Variants in RAB34 observed in about 807,000 individuals in gnomAD.
The protein encoded by RAB34 is RAB34, member RAS oncogene family, also known as ras-related protein Rab-34.
In RAB34, 33 loss-of-function variants were observed where a neutral mutation model predicts 39.0. That is an observed-to-expected ratio of 0.85 (90% CI 0.64 to 1.13). The LOEUF (loss-of-function observed/expected upper bound fraction) is 1.13. RAB34 is among the 50% of genes most tolerant of loss of function. The pLI, the probability that RAB34 is intolerant of heterozygous loss-of-function variation, is 0.00. For synonymous variants in RAB34, 135 were observed against 125.1 expected, an observed-to-expected ratio of 1.08 and a Z score of -0.53; for missense variants, 289 against 326.1, an observed-to-expected ratio of 0.89 and a Z score of 0.88.
chr17:28,714,287 T>C lies in RAB34; in HGVS notation c.*356A>G. The stretch of plus-strand genomic sequence containing the variant: ...ACAAAGAACTCCAGCCCCAAAGTGC[T>C]CGTAACAAAGAAATTTTAATGCATA... On this transcript the variant is annotated 3_prime_UTR_variant, in exon 10 of 10. Coordinates refer to ENST00000395245, the MANE Select transcript of RAB34 (RefSeq NM_031934.6). The C allele has an allele frequency of 1.9e-6, 1 of 514,804 alleles. No individual in the cohort carries two copies. The highest frequency in any genetic ancestry group is 3.5e-6 in the Non-Finnish European group (1 of 282,664). The allele number at this position is 514,804 out of a possible 1,614,324, so 31.9% of individuals were successfully genotyped here. A position where few individuals can be genotyped will look rare whatever the true frequency, so the allele number is the denominator to read the frequency against.
Position 28,716,333 on chromosome 17 carries a change from A to C in RAB34, c.147-275T>G. Reference sequence around the variant, plus strand: ...TTTAGCCTCTCTAAGCCTCAGTTTAAACATTTAAGTAAAGTTAGTATATAT... The same window carrying C: ...TTTAGCCTCTCTAAGCCTCAGTTTACACATTTAAGTAAAGTTAGTATATAT... On this transcript the variant is annotated intron_variant, in intron 2 of 9. Coordinates refer to ENST00000395245, the MANE Select transcript of RAB34 (RefSeq NM_031934.6). The C allele has an allele frequency of 6.3e-6, 3 of 472,556 alleles. No homozygotes were observed. The South Asian group carries it at 1.1e-4, about 17-fold the overall frequency. The allele number at this position is 472,556 out of a possible 1,614,324, so 29.3% of individuals were successfully genotyped here. A position where few individuals can be genotyped will look rare whatever the true frequency, so the allele number is the denominator to read the frequency against.
Position 28,717,672 on chromosome 17 carries a change from A to C in RAB34, c.-406T>G. 7.4e-7 allele frequency: 1 copy of C among 1,355,168 alleles called. No homozygotes were observed. The highest frequency in any genetic ancestry group is 9.4e-7 in the Non-Finnish European group (1 of 1,058,580). The allele number at this position is 1,355,168 out of a possible 1,614,324, so 83.9% of individuals were successfully genotyped here. ...CCTACAATAACCCGGGGCCGCGGAG[A>C]CCCGACGTCATCTCGGGGCTGAGGC... On this transcript the variant is annotated 5_prime_UTR_variant, in exon 1 of 10. Coordinates refer to ENST00000395245, the MANE Select transcript of RAB34 (RefSeq NM_031934.6).
chr17:28,715,961 C>A (rs2033349097), intron 3 of RAB34, 32 bp downstream of exon 3: 1 of 1,613,654 alleles, frequency 6.2e-7, no homozygotes. Context: ...CTTGGCCCCA[C>A]CCTGCCCAGC....
chr17:28,717,227 C>T lies in RAB34; in HGVS notation c.40G>A (p.Ala14Thr). The T allele has an allele frequency of 6.2e-7, 1 of 1,605,352 alleles. No homozygotes were observed. ...LAPVRRDRVL[A>T]ELPQCLRKEA... ...CCGGCGCCTACCTGGGGCAGCTCCGCCAGGACGCGATCCCTCCGCACGGGT... is the reference window on the plus strand; with the variant it reads ...CCGGCGCCTACCTGGGGCAGCTCCGTCAGGACGCGATCCCTCCGCACGGGT... Residue 14 changes from alanine (A) to threonine (T), a missense_variant, in exon 1 of 10, where the codon GCG becomes ACG. Transcript: ENST00000395245.
upstream of RAB34, chr17:28,717,950 C>G: frequency 7.9e-7 from 1 of 1,267,416 alleles, no homozygotes. Context: ...CCCGCCCTCG[C>G]CACCCCCTCC....
In RAB34 at chr17:28,717,333, C is replaced by T; in HGVS notation, c.-67G>A. 6.5e-7 allele frequency: 1 copy of T among 1,540,670 alleles called. No individual in the cohort carries two copies. Among genetic ancestry groups the T allele is most frequent in the South Asian group, 1.2e-5 (1 of 84,604 alleles). ...GCCGGATCCGCGTCAGCGACCCGGG[C>T]GCGTGGAGACCCGACGATCACCCGC... On this transcript the variant is annotated 5_prime_UTR_variant, in exon 1 of 10. Transcript: ENST00000395245.
rs2033798417 is a variant in RAB34 at position 28,717,816 on chromosome 17, AG to A, written c.-551del. On this transcript the variant is annotated 5_prime_UTR_variant, in exon 1 of 10. In the 5' UTR this introduces an upstream ATG that the reference lacks. Transcript: ENST00000395245. ...CGCTGGAGGAGGGGGCGAGGGGCCC[AG>A]TCCGGCTACAGGGCCTCGAGTCCCA... is the stretch of plus-strand genomic sequence containing the variant. 3 of 1,330,244 alleles carry A rather than the reference AG, an allele frequency of 2.3e-6. No homozygotes were observed. The highest frequency in any genetic ancestry group is 2.8e-4 in the Middle Eastern group (1 of 3,614). The allele number at this position is 1,330,244 out of a possible 1,614,324, so 82.4% of individuals were successfully genotyped here.
intron 9 of RAB34, 40 bp downstream of exon 9, chr17:28,714,753 C>T: frequency 6.2e-7 from 1 of 1,614,088 alleles, no homozygotes; most frequent in Middle Eastern, 1.6e-4. Flanking sequence ...ATTGGAGGCT[C>T]ACTGTGCCCT....
chr17:28,714,564 T>TC lies in RAB34; in HGVS notation c.*78dup, dbSNP rs1302169685. The TC allele has an allele frequency of 3.7e-6, 6 of 1,612,768 alleles. No individual in the cohort carries two copies. The highest frequency in any genetic ancestry group is 3.4e-6 in the Non-Finnish European group (4 of 1,179,994). On this transcript the variant is annotated 3_prime_UTR_variant, in exon 10 of 10. Coordinates refer to ENST00000395245, the MANE Select transcript of RAB34 (RefSeq NM_031934.6). ...GGTCTGGATAAAGTCAGTGCAAATG[T>TC]CCAGGGGTCAAGCTCTGGAGGAATG...
intron 2 of RAB34, 137 bp downstream of exon 2, chr17:28,716,766 G>A: frequency 1.0e-6 from 1 of 1,004,928 alleles, no homozygotes; most frequent in Non-Finnish European, 1.4e-6. Context: ...AGGGGATACA[G>A]GGGCTTAAAG....
intron 2 of RAB34, 112 bp downstream of exon 2, chr17:28,716,791 A>T: frequency 7.9e-7 from 1 of 1,258,964 alleles, no homozygotes; most frequent in South Asian, 1.5e-5. Context: ...GGAAATAACC[A>T]TATAGCTGGT....
Position 28,717,214 on chromosome 17 carries a change from T to G in RAB34, c.53A>C (p.Gln18Pro), listed in dbSNP as rs1023223196. ...RRDRVLAELP[Q>P]CLRKEAALHG... ...GCCCGACGTGGCCCCGGCGCCTACC[T>G]GGGGCAGCTCCGCCAGGACGCGATC... The change falls in exon 1 of 10, where the codon CAG becomes CCG. Residue 18 changes from glutamine (Q) to proline (P), a missense_variant and splice_region_variant. Gln to Pro is a moderately conservative substitution (Grantham distance 76). Coordinates refer to ENST00000395245, the MANE Select transcript of RAB34 (RefSeq NM_031934.6). 1 of 1,603,284 alleles carries G rather than the reference T, an allele frequency of 6.2e-7. No individual in the cohort carries two copies. Among genetic ancestry groups the G allele is most frequent in the Non-Finnish European group, 8.5e-7 (1 of 1,177,736 alleles).
Position 28,714,909 on chromosome 17 carries a change from G to C in RAB34, c.605-9C>G. The C allele has an allele frequency of 6.2e-7, 1 of 1,612,392 alleles. No homozygotes were observed. The highest frequency in any genetic ancestry group is 8.5e-7 in the Non-Finnish European group (1 of 1,178,544). On this transcript the variant is annotated splice_polypyrimidine_tract_variant and intron_variant, in intron 8 of 9. Coordinates refer to ENST00000395245, the MANE Select transcript of RAB34 (RefSeq NM_031934.6). The stretch of plus-strand genomic sequence containing the variant: ...TTCTCGGACATTCTCACCTGACACA[G>C]AGAGCAGATAGGTGCTCAGGGGCAG...
chr17:28,715,443 G>C lies in RAB34; in HGVS notation c.431+13C>G. 1 of 1,613,844 alleles carries C rather than the reference G, an allele frequency of 6.2e-7. No homozygotes were observed. Among genetic ancestry groups the C allele is most frequent in the East Asian group, 2.2e-5 (1 of 44,888 alleles). ...CCCGGAGCCTCCCATTATATTGCAGGATGCTCACTTACTTGGTATGTTCCA... is the reference window on the plus strand; with the variant it reads ...CCCGGAGCCTCCCATTATATTGCAGCATGCTCACTTACTTGGTATGTTCCA... On this transcript the variant is annotated intron_variant, in intron 6 of 9. Transcript: ENST00000395245.
chr17:28,717,967 C>A, upstream of RAB34: 10 of 1,263,962 alleles, frequency 7.9e-6, no homozygotes, highest in Non-Finnish European at 9.2e-6. Flanking sequence ...CTCCTCTCCA[C>A]CCTTCTGCGT....
chr17:28,717,638 C>T lies in RAB34; in HGVS notation c.-372G>A. The T allele has an allele frequency of 1.5e-6, 2 of 1,376,134 alleles. No individual in the cohort carries two copies. The highest frequency in any genetic ancestry group is 1.9e-6 in the Non-Finnish European group (2 of 1,069,944). The allele number at this position is 1,376,134 out of a possible 1,614,324, so 85.2% of individuals were successfully genotyped here. ...GATAGTTCCTACGATTACGCGGGGC[C>T]GGATGGTTCCTACAATAACCCGGGG... On this transcript the variant is annotated 5_prime_UTR_variant, in exon 1 of 10. Transcript: ENST00000395245.
At chr17:28,718,327 G>A, upstream of RAB34, 1 of 1,420,736 alleles carries the variant, frequency 7.0e-7, no homozygotes, top group Non-Finnish European at 9.5e-7. Context: ...TGGTGGAGGG[G>A]AAGCGTGCGA....
At chr17:28,716,809 G>A in intron 2 of RAB34, 94 bp downstream of exon 2, 4 of 1,411,988 alleles carry the variant, frequency 2.8e-6, no homozygotes, top group Non-Finnish European at 3.8e-6. Context: ...GGTAGGGGCT[G>A]AAATGAAGCC....
At position 28,714,414 on chromosome 17, in the gene RAB34, C is replaced by T; in HGVS notation, c.*229G>A. On this transcript the variant is annotated 3_prime_UTR_variant, in exon 10 of 10. Transcript: ENST00000395245. ...CACTCTCCCTCACTACCACTGGGCG[C>T]CCTGGACAGTCCCCTGAGGAGTAGG... The T allele has an allele frequency of 1.3e-6, 1 of 799,730 alleles. No homozygotes were observed. Among genetic ancestry groups the T allele is most frequent in the Non-Finnish European group, 2.1e-6 (1 of 487,348 alleles). The allele number at this position is 799,730 out of a possible 1,614,324, so 49.5% of individuals were successfully genotyped here.
Sources: allele counts gnomAD v4.1 joint callset, GRCh38; gene constraint gnomAD v4.1.1; transcripts MANE v1.5; gene names NCBI Gene and HGNC (gene_info 2026-07-23, HGNC 2026-07-21).